Variants in PARD3B observed in about 807,000 individuals in gnomAD.
PARD3B encodes the protein par-3 family cell polarity regulator beta.
In PARD3B, 103 loss-of-function variants were observed where a neutral mutation model predicts 130.2. That is an observed-to-expected ratio of 0.79 (90% CI 0.67 to 0.93). The LOEUF is 0.93. Among genes scored for constraint, PARD3B ranks in the 40% least tolerant of loss-of-function variants. The probability of loss-of-function intolerance (pLI) is 0.00; values close to 1 mark genes in which losing one functional copy is unlikely to be tolerated. For missense variants in PARD3B, 1,609 were observed against 1,499.2 expected (o/e 1.07, Z -1.21); for synonymous variants, 583 against 553.2 (o/e 1.05, Z -0.76).
At chr2:204,835,797 C>T (rs138086344) in intron 2 of PARD3B, among the ~76,000 whole-genome samples, 81 of 152,296 alleles carry the variant, frequency 5.3e-4, no homozygotes, top group African/African-American at 1.8e-3. Flanking sequence ...TTCAAGACTT[C>T]ATTATAAAAT....
intron 18 of PARD3B, among the ~76,000 whole-genome samples, chr2:205,377,119 C>T (rs998224985): frequency 1.3e-5 from 2 of 152,122 alleles, no homozygotes; most frequent in South Asian, 4.1e-4. Context: ...TGCACAGCTC[C>T]TGTGTGTAAG....
At chr2:205,073,651 C>T (rs1050362955) in intron 4 of PARD3B, among the ~76,000 whole-genome samples, 1 of 151,990 alleles carries the variant, frequency 6.6e-6, no homozygotes, top group African/African-American at 2.4e-5. Flanking sequence ...GTTTTTAGAC[C>T]TGATTATGTT....
intron 19 of PARD3B, among the ~76,000 whole-genome samples, chr2:205,435,767 T>A (rs556817850): frequency 1.3e-5 from 2 of 152,206 alleles, no homozygotes; most frequent in East Asian, 3.9e-4. Context: ...TTCATTAGTT[T>A]TTTCTATATT....
intron 1 of PARD3B, 135 bp from the exon 2 acceptor site, chr2:204,686,046 C>A: frequency 8.3e-6 from 5 of 604,414 alleles, no homozygotes; most frequent in South Asian, 2.4e-5. Flanking sequence ...AAATAGATAA[C>A]ATTTGTTTTC....
At chr2:204,988,004 A>G (rs1019802136) in intron 3 of PARD3B, among the ~76,000 whole-genome samples, 2 of 152,016 alleles carry the variant, frequency 1.3e-5, no homozygotes, top group African/African-American at 4.8e-5. Context: ...AGATGAAAAT[A>G]TGGCAAAAGA....
At chr2:204,639,263 AT>A (rs1464987494) in intron 1 of PARD3B, among the ~76,000 whole-genome samples, 1 of 152,204 alleles carries the variant, frequency 6.6e-6, no homozygotes, top group East Asian at 1.9e-4. Flanking sequence ...ATAAGATCAG[AT>A]TTTCTAGGTA....
At chr2:204,740,533 T>G (rs1264211776) in intron 2 of PARD3B, among the ~76,000 whole-genome samples, 2 of 152,172 alleles carry the variant, frequency 1.3e-5, no homozygotes, top group Non-Finnish European at 2.9e-5. Context: ...GGATGCCTGG[T>G]CTCTGCATCA....
intron 2 of PARD3B, among the ~76,000 whole-genome samples, chr2:204,757,615 C>T (rs973060042): frequency 1.3e-5 from 2 of 152,024 alleles, no homozygotes; most frequent in African/African-American, 4.8e-5. Context: ...GGAATCTGAT[C>T]TTTGGCTCAT....
intron 2 of PARD3B, among the ~76,000 whole-genome samples, chr2:204,956,689 T>C (rs1447615127): frequency 6.6e-6 from 1 of 152,156 alleles, no homozygotes; most frequent in Non-Finnish European, 1.5e-5. Flanking sequence ...ACCTAGTAGA[T>C]TGGGATCATC....
At chr2:205,069,764 TC>T (rs879723766) in intron 4 of PARD3B, among the ~76,000 whole-genome samples, 1 of 152,010 alleles carries the variant, frequency 6.6e-6, no homozygotes, top group Non-Finnish European at 1.5e-5. Context: ...GACCAGTGGC[TC>T]CCTGGCACCA....
At chr2:205,476,383 A>T (rs943736935) in intron 20 of PARD3B, among the ~76,000 whole-genome samples, 1 of 152,110 alleles carries the variant, frequency 6.6e-6, no homozygotes, top group African/African-American at 2.4e-5. Context: ...ACCGGTGAAA[A>T]GCCACAGTAA....
At chr2:204,779,002 T>C (rs1217505281) in intron 2 of PARD3B, among the ~76,000 whole-genome samples, 1 of 152,140 alleles carries the variant, frequency 6.6e-6, no homozygotes, top group African/African-American at 2.4e-5. Flanking sequence ...ACCACTTTAT[T>C]ATGTGTACAT....
chr2:205,218,944 G>T (rs2038091179), intron 15 of PARD3B, among the ~76,000 whole-genome samples: 1 of 152,054 alleles, frequency 6.6e-6, no homozygotes, highest in African/African-American at 2.4e-5. Context: ...GCTGGGTGTG[G>T]TGGCACGTGC....
intron 2 of PARD3B, among the ~76,000 whole-genome samples, chr2:204,862,328 C>T (rs1370294140): frequency 6.6e-6 from 1 of 152,172 alleles, no homozygotes; most frequent in Non-Finnish European, 1.5e-5. Flanking sequence ...TTCGTTATCT[C>T]ACCTGGAAAA....
chr2:204,916,657 A>G (rs1335639906), intron 2 of PARD3B, among the ~76,000 whole-genome samples: 1 of 152,066 alleles, frequency 6.6e-6, no homozygotes, highest in Non-Finnish European at 1.5e-5. Context: ...TTTTTTTATG[A>G]TAAAAAAGAT....
intron 2 of PARD3B, among the ~76,000 whole-genome samples, chr2:204,935,342 A>G (rs1287982420): frequency 2.0e-5 from 3 of 148,734 alleles, no homozygotes; most frequent in African/African-American, 2.5e-5. Flanking sequence ...ATCCTGGCTA[A>G]CACGGTGAAA....
intron 19 of PARD3B, among the ~76,000 whole-genome samples, chr2:205,422,695 A>G (rs2047011145): frequency 1.3e-5 from 2 of 152,162 alleles, no homozygotes; most frequent in Admixed American, 1.3e-4. Context: ...CCCATAGGAG[A>G]TAAAACAAGT....
At chr2:204,726,430 A>C (rs539035433) in intron 2 of PARD3B, among the ~76,000 whole-genome samples, 36 of 152,294 alleles carry the variant, frequency 2.4e-4, no homozygotes, top group African/African-American at 8.4e-4. Flanking sequence ...ACTGAAAAAT[A>C]AAAGCATGGA....
At chr2:204,965,816 T>C (rs1236428654) in intron 3 of PARD3B, among the ~76,000 whole-genome samples, 2 of 152,324 alleles carry the variant, frequency 1.3e-5, no homozygotes, top group East Asian at 3.9e-4. Context: ...CATCCAGTAA[T>C]TTTGCTTAGA....
Sources: allele counts gnomAD v4.1 joint callset (sites outside exome capture counted in the v4.1 genomes callset), GRCh38; gene constraint gnomAD v4.1.1; transcripts MANE v1.5; gene names NCBI Gene and HGNC (gene_info 2026-07-23, HGNC 2026-07-21).